The following NECTIN1 variants were observed in gnomAD, a reference collection of about 807,000 sequenced individuals.
NECTIN1 encodes nectin cell adhesion molecule 1.
In NECTIN1, 23 loss-of-function variants were observed where a neutral mutation model predicts 48.0. The ratio of observed to expected loss-of-function variants is 0.48; its 90% CI spans 0.34 to 0.68. The LOEUF (loss-of-function observed/expected upper bound fraction) is 0.68. Ranked by LOEUF, NECTIN1 falls within the 30% of genes least tolerant of loss-of-function variation. The probability of loss-of-function intolerance (pLI) is 0.01; values close to 1 mark genes in which losing one functional copy is unlikely to be tolerated. For synonymous variants in NECTIN1, 270 were observed against 288.9 expected (o/e 0.93, Z 0.66); for missense variants, 591 against 709.9 (o/e 0.83, Z 1.90).
intron 4 of NECTIN1, chr11:119,675,541 T>G (rs1591456399): frequency 3.9e-6 from 2 of 516,696 alleles, no homozygotes; most frequent in Non-Finnish European, 6.9e-6. Context: ...GCTAGGTAGG[T>G]GCCGGTCCCC....
At position 119,662,069 on chromosome 11, in the gene NECTIN1, G is replaced by A; in HGVS notation, c.*2678C>T. ...CAGGGGCATGGGTGTGGGGTGGGGG[G>A]CAAGGACAGGGAGGGCAACAAGAGG... On this transcript the variant is annotated 3_prime_UTR_variant, in exon 6 of 6. Transcript: ENST00000264025. The surrounding 1 kb of genome is among the most constrained non-coding windows in gnomAD (Gnocchi z 5.3). 1 of 985,444 alleles carries A rather than the reference G, an allele frequency of 1.0e-6. No individual in the cohort carries two copies. Among genetic ancestry groups the A allele is most frequent in the South Asian group, 4.7e-5 (1 of 21,290 alleles). The allele number at this position is 985,444 out of a possible 1,614,324, so 61.0% of individuals were successfully genotyped here. A position where few individuals can be genotyped will look rare whatever the true frequency, so the allele number is the denominator to read the frequency against.
intron 5 of NECTIN1, chr11:119,640,127 C>A: frequency 8.9e-7 from 1 of 1,123,356 alleles, no homozygotes; most frequent in Non-Finnish European, 1.3e-6. Context: ...GACATTGCAC[C>A]CCCAGCTCCC....
chr11:119,696,427 C>T (rs1865341483), intron 1 of NECTIN1, among the ~76,000 whole-genome samples: 1 of 89,674 alleles, frequency 1.1e-5, no homozygotes, highest in African/African-American at 5.4e-5. Context: ...CAACCCCGCC[C>T]GCCCCCTGGG....
chr11:119,694,812 T>C (rs982344593), intron 1 of NECTIN1, among the ~76,000 whole-genome samples: 3 of 152,122 alleles, frequency 2.0e-5, no homozygotes, highest in Admixed American at 2.0e-4. Flanking sequence ...AACCCAGGTG[T>C]CCTGCTGCCC....
chr11:119,693,147 G>C (rs1362464423), intron 1 of NECTIN1, among the ~76,000 whole-genome samples: 2 of 152,132 alleles, frequency 1.3e-5, no homozygotes, highest in Non-Finnish European at 2.9e-5. Flanking sequence ...TTCTTCCCCT[G>C]TTCCTCTTGC....
At chr11:119,674,758 A>T in intron 5 of NECTIN1, 1 of 1,596,736 alleles carries the variant, frequency 6.3e-7, no homozygotes, top group Non-Finnish European at 8.6e-7. Flanking sequence ...CTGGCCCATG[A>T]AGAGGTCCTT....
chr11:119,673,987 CAG>C lies in NECTIN1; in HGVS notation c.1003+1170_1003+1171del, dbSNP rs1864902680. On this transcript the variant is annotated intron_variant, in intron 5 of 5. Coordinates refer to ENST00000264025, the MANE Select transcript of NECTIN1 (RefSeq NM_002855.5). The surrounding 1 kb of genome is among the most constrained non-coding windows in gnomAD (Gnocchi z 5.8). Reference sequence around the variant, plus strand: ...TCCCGCCCCTGGGTGAGAGACGTGACAGAACGGCTCTGAGGACAGGTAGGCGC... The same window carrying C: ...TCCCGCCCCTGGGTGAGAGACGTGACAACGGCTCTGAGGACAGGTAGGCGC... 6.6e-6 allele frequency among the ~76,000 whole-genome samples: 1 copy of C among 152,212 alleles called. No homozygotes were observed. Among genetic ancestry groups the C allele is most frequent in the African/African-American group, 2.4e-5 (1 of 41,446 alleles).
At chr11:119,643,691 G>T (rs1392871234) in intron 5 of NECTIN1, among the ~76,000 whole-genome samples, 1 of 152,216 alleles carries the variant, frequency 6.6e-6, no homozygotes, top group Non-Finnish European at 1.5e-5. Context: ...CTGGCATTGA[G>T]CCCCCAGACA....
chr11:119,691,968 G>A (rs1004941259), intron 1 of NECTIN1, among the ~76,000 whole-genome samples: 5 of 152,278 alleles, frequency 3.3e-5, no homozygotes, highest in Middle Eastern at 6.8e-3. Flanking sequence ...TTCCTGCCCC[G>A]CCGGGCAGGG....
chr11:119,674,012 C>T (rs113300825), intron 5 of NECTIN1, among the ~76,000 whole-genome samples: 1,959 of 152,304 alleles, frequency 0.013, 24 homozygotes, highest in Non-Finnish European at 0.021. Context: ...GACAGGTAGG[C>T]GCAGACCCTG....
Position 119,729,096 on chromosome 11 carries a change from G to A in NECTIN1, c.-543C>T, listed in dbSNP as rs1032371812. On this transcript the variant is annotated 5_prime_UTR_variant, in exon 1 of 6. Coordinates refer to ENST00000264025, the MANE Select transcript of NECTIN1 (RefSeq NM_002855.5). ...TGGCTCTGGCTGCGCGGCCGGGCGC[G>A]AGGAGAACGGGTCGGAGGCGCCGCG... 6.6e-6 allele frequency: 1 copy of A among 151,516 alleles called. No homozygotes were observed. The highest frequency in any genetic ancestry group is 2.4e-5 in the African/African-American group (1 of 41,270). 9.4% of individuals were successfully genotyped at this position (151,516 alleles called of 1,614,324 possible).
chr11:119,647,432 A>G (rs1037481333), intron 5 of NECTIN1, among the ~76,000 whole-genome samples: 10 of 151,586 alleles, frequency 6.6e-5, no homozygotes, highest in Admixed American at 5.9e-4. Context: ...AGCTGGAGAG[A>G]GTTACTGGGA....
chr11:119,679,638 G>A (rs924628145), intron 1 of NECTIN1, among the ~76,000 whole-genome samples: 2 of 151,822 alleles, frequency 1.3e-5, no homozygotes, highest in South Asian at 2.1e-4. Flanking sequence ...CCACATTCCC[G>A]GTTTCCTTCC....
chr11:119,696,732 T>G (rs1452367301), intron 1 of NECTIN1, among the ~76,000 whole-genome samples: 1 of 152,064 alleles, frequency 6.6e-6, no homozygotes. Context: ...TTGCACAGGG[T>G]TGGCTCAGTG....
chr11:119,648,394 ATGGTGGTGATGGTGATGG>A (rs1864442381), intron 5 of NECTIN1, among the ~76,000 whole-genome samples: 1 of 6,674 alleles, frequency 1.5e-4, no homozygotes, highest in Non-Finnish European at 2.5e-4. Context: ...GGTGGTGGTG[ATGGTGGTGATGGTGATGG>A]TGGTGGTGAT....
Position 119,653,572 on chromosome 11 carries a change from C to A in NECTIN1, c.1004-13560G>T, listed in dbSNP as rs11217375. On this transcript the variant is annotated intron_variant, in intron 5 of 7. Transcript: ENST00000341398. ...TCAGAGAGAAAATAAAGGAGTGGTG[C>A]GCACCACGTAGCCAGGAAGGCACAG... 1.8e-3 allele frequency among the ~76,000 whole-genome samples: 281 copies of A among 152,298 alleles called. 5 individuals carry two copies. In the East Asian group the frequency reaches 0.04, roughly 22 times the overall value.
intron 5 of NECTIN1, chr11:119,674,592 T>A: frequency 2.5e-6 from 4 of 1,614,184 alleles, no homozygotes; most frequent in Non-Finnish European, 2.5e-6. Flanking sequence ...AAGTCTCTCC[T>A]CAGAACATCC....
rs1565407672 is a variant in NECTIN1, at chr11:119,728,554, C to A, written c.-1G>T. On this transcript the variant is annotated 5_prime_UTR_variant, in exon 1 of 6. Transcript: ENST00000264025. ...CGCCCGCAAGCCCCATCCGAGCCAT[C>A]GGGGGCCGGGGGTCCGGCGAGAGGG... 2 of 1,570,910 alleles carry A rather than the reference C, an allele frequency of 1.3e-6. No individual in the cohort carries two copies. The highest frequency in any genetic ancestry group is 1.8e-5 in the Admixed American group (1 of 55,854).
chr11:119,639,624 G>A, intron 6 of NECTIN1: 3 of 581,876 alleles, frequency 5.2e-6, no homozygotes, highest in Non-Finnish European at 9.2e-6. Context: ...CTGAGCTGCT[G>A]TGAGGATAAA....
Sources: allele counts gnomAD v4.1 joint callset (sites outside exome capture counted in the v4.1 genomes callset), GRCh38; gene constraint gnomAD v4.1.1; non-coding constraint Gnocchi (gnomAD v3.1); transcripts MANE v1.5; gene names NCBI Gene and HGNC (gene_info 2026-07-23, HGNC 2026-07-21).